MRPS31: variants seen among roughly 807,000 people sequenced by gnomAD.
MRPS31 encodes mitochondrial ribosomal protein S31.
MRPS31 carries 32 observed loss-of-function variants against 43.1 expected under a neutral mutation model. The observed-to-expected ratio is 0.74, with a 90% CI of 0.56 to 1.00. The LOEUF (loss-of-function observed/expected upper bound fraction) is 1.00, where lower values mean the gene tolerates loss of function less well. MRPS31 is among the 50% of genes least tolerant of loss of function. The probability of loss-of-function intolerance (pLI) is 0.00; values close to 1 mark genes in which losing one functional copy is unlikely to be tolerated. For synonymous variants in MRPS31, 165 were observed against 161.6 expected (o/e 1.02, Z -0.16); for missense variants, 437 against 466.7 (o/e 0.94, Z 0.59).
Position 40,766,852 on chromosome 13 carries a change from T to C in MRPS31, c.334A>G (p.Thr112Ala), listed in dbSNP as rs1206084137. 6.2e-7 allele frequency: 1 copy of C among 1,614,176 alleles called. No homozygotes were observed. The highest frequency in any genetic ancestry group is 8.5e-7 in the Non-Finnish European group (1 of 1,180,024). The stretch of plus-strand genomic sequence containing the variant: ...GGCTTTGTTGTTCGTACATTTACTG[T>C]GCTTAATTCAACTTTCATGCCCTTA... ...IIKGMKVELS[T>A]VNVRTTKPPK... is the part of the protein sequence containing the mutation. Residue 112 changes from threonine (T) to alanine (A), a missense_variant, in exon 2 of 7, where the codon ACA becomes GCA. Transcript: ENST00000323563.
intron 2 of MRPS31, among the ~76,000 whole-genome samples, chr13:40,759,845 A>C (rs531916684): frequency 6.6e-6 from 1 of 152,344 alleles, no homozygotes; most frequent in Middle Eastern, 3.4e-3. Flanking sequence ...ACCAACCTAA[A>C]AGTCTATCAT....
chr13:40,757,720 A>G (rs2138011816), intron 3 of MRPS31, among the ~76,000 whole-genome samples: 1 of 145,882 alleles, frequency 6.9e-6, no homozygotes, highest in East Asian at 2.1e-4. Context: ...CTGGGATTAC[A>G]GGCGTGAGCC....
At chr13:40,729,730 A>ATTTTT in intron 6 of MRPS31, 129 bp from the exon 7 acceptor site, 2 of 525,516 alleles carry the variant, frequency 3.8e-6, no homozygotes, top group Non-Finnish European at 3.3e-6. Flanking sequence ...CCTAGGTTGC[A>ATTTTT]TTTTTTTTTT....
chr13:40,732,748 A>G (rs9577129), intron 6 of MRPS31, among the ~76,000 whole-genome samples: 21,522 of 150,020 alleles, frequency 0.14, 1,822 homozygotes, highest in East Asian at 0.24. Context: ...TTAAAAGAAG[A>G]AAAAAAAAAC....
chr13:40,753,189 A>G (rs1397656500), intron 5 of MRPS31, among the ~76,000 whole-genome samples: 3 of 152,202 alleles, frequency 2.0e-5, no homozygotes, highest in Non-Finnish European at 4.4e-5. Context: ...TTTCTTACCC[A>G]AAGAAAACAC....
At position 40,756,982 on chromosome 13, in the gene MRPS31, CA is replaced by C; in HGVS notation, c.630del (p.Ala211ProfsTer51). 6.2e-7 allele frequency: 1 copy of C among 1,611,938 alleles called. No homozygotes were observed. The highest frequency in any genetic ancestry group is 8.5e-7 in the Non-Finnish European group (1 of 1,179,076). The part of the protein sequence containing the change: ...SFSNIISDMK[V>X]ARSATARVRS... ...CGAACTCTAGCTGTAGCAGATCTGG[CA>C]ACTTTCATATCTGATATTATGTTAC... On this transcript the variant is annotated frameshift_variant, in exon 4 of 7. Transcript: ENST00000323563. LOFTEE classifies it high-confidence loss of function.
intron 6 of MRPS31, among the ~76,000 whole-genome samples, chr13:40,736,405 C>T (rs1879909324): frequency 6.7e-6 from 1 of 149,918 alleles, no homozygotes; most frequent in East Asian, 2.0e-4. Context: ...GGCAGGCCAA[C>T]GTTCAGATTC....
intron 2 of MRPS31, 129 bp downstream of exon 2, chr13:40,766,617 G>A (rs560245058): frequency 2.1e-6 from 2 of 958,682 alleles, no homozygotes; most frequent in Non-Finnish European, 1.5e-6. Flanking sequence ...TAGAGTCCCT[G>A]TGTTTACAAG....
intron 5 of MRPS31, among the ~76,000 whole-genome samples, chr13:40,750,408 A>G (rs569077434): frequency 1.3e-5 from 2 of 152,254 alleles, no homozygotes; most frequent in South Asian, 4.2e-4. Flanking sequence ...GCAAAAGGAC[A>G]CAAGGAAACT....
chr13:40,766,874 C>T lies in MRPS31; in HGVS notation c.312G>A (p.Lys104=). ...CTGTGCTTAATTCAACTTTCATGCC[C>T]TTAATAATGCCTAACAAGTCTTTTT... is the stretch of plus-strand genomic sequence containing the variant. ...NTKKDLLGII[K]GMKVELSTVN... Residue 104 remains lysine, a synonymous_variant, in exon 2 of 7, where the codon AAG becomes AAA. Coordinates refer to ENST00000323563, the MANE Select transcript of MRPS31 (RefSeq NM_005830.4). The T allele has an allele frequency of 6.2e-6, 10 of 1,614,102 alleles. No homozygotes were observed. Among genetic ancestry groups the T allele is most frequent in the Non-Finnish European group, 8.5e-6 (10 of 1,180,018 alleles).
intron 2 of MRPS31, among the ~76,000 whole-genome samples, chr13:40,762,280 A>C (rs185986759): frequency 4.6e-5 from 7 of 152,292 alleles, no homozygotes; most frequent in Admixed American, 1.3e-4. Context: ...AGGATACTGC[A>C]TACTCCAACC....
intron 3 of MRPS31, among the ~76,000 whole-genome samples, chr13:40,757,419 A>C (rs1360868265): frequency 1.3e-5 from 2 of 150,984 alleles, no homozygotes; most frequent in Non-Finnish European, 2.9e-5. Context: ...CTGAACTGAC[A>C]GTCCAGATAT....
At chr13:40,749,360 G>T in intron 5 of MRPS31, 79 bp from the exon 6 acceptor site, 1 of 1,181,116 alleles carries the variant, frequency 8.5e-7, no homozygotes, top group South Asian at 2.3e-5. Context: ...ATCCTGAATT[G>T]ACCATGTATT....
intron 6 of MRPS31, among the ~76,000 whole-genome samples, chr13:40,742,875 C>T (rs574789028): frequency 6.6e-6 from 1 of 152,266 alleles, no homozygotes; most frequent in East Asian, 1.9e-4. Flanking sequence ...AACTGGACCC[C>T]TACCTTTGAC....
rs536066986 is a variant in MRPS31 at position 40,746,889 on chromosome 13, T to G, written c.958+2249A>C. On this transcript the variant is annotated intron_variant, in intron 6 of 6. Transcript: ENST00000323563. ...GATGCTTTACTTGTTTAACCTCACT[T>G]AATTCTCACACCAATCTTGTATAAT... Among the ~76,000 whole-genome samples, 11 of 152,258 alleles carry G rather than the reference T, an allele frequency of 7.2e-5. No individual in the cohort carries two copies. The East Asian group carries it at 2.1e-3, about 29-fold the overall frequency.
rs1270405301 is a variant in MRPS31 at position 40,766,854 on chromosome 13, C to T, written c.332G>A (p.Ser111Asn). Residue 111 changes from serine (S) to asparagine (N), a missense_variant, in exon 2 of 7, where the codon AGC (serine) becomes AAC (asparagine). By Grantham distance (46) the Ser-to-Asn change is conservative (BLOSUM62 1). Coordinates refer to ENST00000323563, the MANE Select transcript of MRPS31 (RefSeq NM_005830.4). ...CTTTGTTGTTCGTACATTTACTGTGCTTAATTCAACTTTCATGCCCTTAAT... is the reference window on the plus strand; with the variant it reads ...CTTTGTTGTTCGTACATTTACTGTGTTTAATTCAACTTTCATGCCCTTAAT... Reference protein sequence around the residue: ...GIIKGMKVELSTVNVRTTKPP... With the variant: ...GIIKGMKVELNTVNVRTTKPP... The T allele has an allele frequency of 1.9e-6, 3 of 1,614,002 alleles. No homozygotes were observed. The highest frequency in any genetic ancestry group is 2.7e-5 in the African/African-American group (2 of 74,914).
chr13:40,770,602 G>A (rs999774511), intron 1 of MRPS31: 3 of 284,952 alleles, frequency 1.1e-5, no homozygotes, highest in Admixed American at 5.1e-5. Context: ...CGTGATGGCA[G>A]GACTGTCTCA....
intron 2 of MRPS31, among the ~76,000 whole-genome samples, chr13:40,764,361 T>A (rs1880784685): frequency 6.8e-6 from 1 of 148,030 alleles, no homozygotes; most frequent in Non-Finnish European, 1.5e-5. Flanking sequence ...TTATATTGTA[T>A]TTTTTTTTAA....
intron 4 of MRPS31, among the ~76,000 whole-genome samples, chr13:40,756,457 T>C (rs1880528967): frequency 6.6e-6 from 1 of 152,216 alleles, no homozygotes; most frequent in Admixed American, 6.5e-5. Flanking sequence ...TGGTGGGTTA[T>C]TTCTCTAAGG....
Sources: gnomAD v4.1 joint callset for allele counts (sites outside exome capture counted in the v4.1 genomes callset) on GRCh38, gnomAD v4.1.1 for gene constraint, MANE v1.5 for transcripts, NCBI Gene and HGNC (gene_info 2026-07-23, HGNC 2026-07-21) for gene names.